Variants in PARD3B observed in about 807,000 individuals in gnomAD.
PARD3B encodes par-3 family cell polarity regulator beta.
In PARD3B, 103 loss-of-function variants were observed where a neutral mutation model predicts 130.2. The observed-to-expected ratio is 0.79, with a 90% CI of 0.67 to 0.93. PARD3B has a LOEUF of 0.93. Ranked by LOEUF, PARD3B falls within the 40% of genes least tolerant of loss-of-function variation. The pLI, the probability that PARD3B is intolerant of heterozygous loss-of-function variation, is 0.00. For missense variants in PARD3B, 1,609 were observed against 1,499.2 expected (o/e 1.07, Z -1.21); for synonymous variants, 583 against 553.2 (o/e 1.05, Z -0.76).
intron 15 of PARD3B, among the ~76,000 whole-genome samples, chr2:205,200,418 A>G (rs1250042437): frequency 6.6e-6 from 1 of 152,230 alleles, no homozygotes; most frequent in South Asian, 2.1e-4. Context: ...TTTACAAAAC[A>G]GGATTTTTTC....
intron 20 of PARD3B, among the ~76,000 whole-genome samples, chr2:205,489,069 A>G (rs2049563412): frequency 6.6e-6 from 1 of 152,212 alleles, no homozygotes; most frequent in African/African-American, 2.4e-5. Flanking sequence ...GATGTAGAGT[A>G]GAAAGAAAGG....
chr2:204,562,870 G>A (rs1156566918), intron 1 of PARD3B, among the ~76,000 whole-genome samples: 4 of 151,296 alleles, frequency 2.6e-5, no homozygotes, highest in Non-Finnish European at 5.9e-5. Context: ...TTGCATTTCC[G>A]ATTTTTCTCT....
chr2:204,641,031 ATAT>A lies in PARD3B; in HGVS notation c.121-45146_121-45144del, dbSNP rs528454504. Among the ~76,000 whole-genome samples, 24 of 147,868 alleles carry A rather than the reference ATAT, an allele frequency of 1.6e-4. 1 individual carries two copies. In the South Asian group the frequency reaches 4.8e-3, roughly 30 times the overall value. On this transcript the variant is annotated intron_variant, in intron 1 of 22. Transcript: ENST00000406610. ...ATATGAAAGTATGTATATATTTACT[ATAT>A]TATATGTTATAATAGTATATTATAT...
chr2:204,697,602 A>G (rs1373034177), intron 2 of PARD3B, among the ~76,000 whole-genome samples: 1 of 152,112 alleles, frequency 6.6e-6, no homozygotes, highest in East Asian at 1.9e-4. Flanking sequence ...AGAGACTTCT[A>G]AAGGCCAACT....
At chr2:205,595,069 G>A (rs544265081) in intron 22 of PARD3B, among the ~76,000 whole-genome samples, 59 of 152,286 alleles carry the variant, frequency 3.9e-4, no homozygotes, top group African/African-American at 1.3e-3. Context: ...GGGAGGAAAG[G>A]CAGTCCCAAT....
At chr2:205,521,856 A>G (rs1207857063) in intron 21 of PARD3B, among the ~76,000 whole-genome samples, 1 of 152,108 alleles carries the variant, frequency 6.6e-6, no homozygotes, top group Non-Finnish European at 1.5e-5. Context: ...CTTTGTAACA[A>G]TGTCTATAAT....
intron 2 of PARD3B, among the ~76,000 whole-genome samples, chr2:204,853,912 G>C (rs2044813235): frequency 1.3e-5 from 2 of 152,172 alleles, no homozygotes; most frequent in African/African-American, 2.4e-5. Flanking sequence ...GAGTTAGAGA[G>C]GATAGAGGAG....
intron 3 of PARD3B, among the ~76,000 whole-genome samples, chr2:205,040,232 G>T (rs1007685011): frequency 6.6e-6 from 1 of 152,206 alleles, no homozygotes; most frequent in African/African-American, 2.4e-5. Flanking sequence ...AAAGTTCTGG[G>T]ATTATAGGCA....
At chr2:205,145,192 A>C (rs2033262018) in intron 10 of PARD3B, among the ~76,000 whole-genome samples, 1 of 151,912 alleles carries the variant, frequency 6.6e-6, no homozygotes. Flanking sequence ...TGTGTAGAAC[A>C]CTCTCAAATT....
At chr2:205,127,742 G>A (rs1368334177) in intron 10 of PARD3B, among the ~76,000 whole-genome samples, 1 of 152,126 alleles carries the variant, frequency 6.6e-6, no homozygotes, top group Non-Finnish European at 1.5e-5. Flanking sequence ...GAAAAAAAGA[G>A]TGATCTGAGT....
intron 2 of PARD3B, among the ~76,000 whole-genome samples, chr2:204,703,933 C>T (rs2038014702): frequency 1.3e-5 from 2 of 151,408 alleles, no homozygotes; most frequent in African/African-American, 4.9e-5. Context: ...TAATGAGTGC[C>T]AAATATCAAA....
At chr2:205,371,252 C>T (rs1468484514) in intron 18 of PARD3B, among the ~76,000 whole-genome samples, 3 of 152,140 alleles carry the variant, frequency 2.0e-5, no homozygotes, top group African/African-American at 7.2e-5. Context: ...AGTGAAGTTA[C>T]AGATTGCTCA....
At chr2:205,593,088 A>T (rs2054445707) in intron 22 of PARD3B, among the ~76,000 whole-genome samples, 1 of 152,236 alleles carries the variant, frequency 6.6e-6, no homozygotes, top group Non-Finnish European at 1.5e-5. Flanking sequence ...TAACATTAGA[A>T]GTTTTGTCCA....
At chr2:204,764,826 T>C (rs1244783216) in intron 2 of PARD3B, among the ~76,000 whole-genome samples, 2 of 152,024 alleles carry the variant, frequency 1.3e-5, no homozygotes, top group Non-Finnish European at 2.9e-5. Flanking sequence ...TATTCTCTTA[T>C]ATAAACCTCA....
intron 2 of PARD3B, among the ~76,000 whole-genome samples, chr2:204,919,117 T>C (rs2047566143): frequency 6.6e-6 from 1 of 152,216 alleles, no homozygotes; most frequent in Non-Finnish European, 1.5e-5. Flanking sequence ...TATCTATTTC[T>C]CTGTTTCTGT....
chr2:205,032,184 C>A (rs1197160697), intron 3 of PARD3B, among the ~76,000 whole-genome samples: 2 of 151,856 alleles, frequency 1.3e-5, no homozygotes, highest in Non-Finnish European at 2.9e-5. Flanking sequence ...CAATAATAAT[C>A]CGTGGATCAT....
intron 10 of PARD3B, among the ~76,000 whole-genome samples, chr2:205,127,426 A>G (rs986100150): frequency 2.0e-5 from 3 of 152,176 alleles, no homozygotes; most frequent in Non-Finnish European, 4.4e-5. Context: ...TCTGTATAAG[A>G]ATTGACAAAG....
At chr2:205,238,878 G>C (rs376370230) in intron 15 of PARD3B, among the ~76,000 whole-genome samples, 1 of 58,182 alleles carries the variant, frequency 1.7e-5, no homozygotes, top group Non-Finnish European at 3.1e-5. Flanking sequence ...ATATATATAT[G>C]TATGTGTGTA....
chr2:205,249,787 C>T (rs1029627163), intron 16 of PARD3B, among the ~76,000 whole-genome samples: 2 of 151,872 alleles, frequency 1.3e-5, no homozygotes, highest in Non-Finnish European at 2.9e-5. Flanking sequence ...GAGACCTGCC[C>T]GGAGAAGTTA....
Sources: allele counts gnomAD v4.1 joint callset (sites outside exome capture counted in the v4.1 genomes callset), GRCh38; gene constraint gnomAD v4.1.1; transcripts MANE v1.5; gene names NCBI Gene and HGNC (gene_info 2026-07-23, HGNC 2026-07-21).